Variants in CDK15 observed in about 807,000 individuals in gnomAD.
The protein encoded by CDK15 is cyclin dependent kinase 15.
Under a neutral mutation model 60.3 loss-of-function variants are expected in CDK15, and 62 were observed. That is an observed-to-expected ratio of 1.03 (90% confidence interval 0.84 to 1.27). The LOEUF is 1.27. Ranked by LOEUF, CDK15 falls within the 50% of genes most tolerant of loss-of-function variation. The pLI is 0.00. For missense variants in CDK15, 541 were observed against 527.8 expected (o/e 1.03, Z -0.25); for synonymous variants, 194 against 195.7 (o/e 0.99, Z 0.07).
At chr2:201,886,028 G>C (rs1425647706) in intron 12 of CDK15, among the ~76,000 whole-genome samples, 1 of 152,118 alleles carries the variant, frequency 6.6e-6, no homozygotes, top group Non-Finnish European at 1.5e-5. Flanking sequence ...CATTGTTCTT[G>C]CTAAAGATCA....
intron 10 of CDK15, among the ~76,000 whole-genome samples, chr2:201,865,931 C>CT (rs112141292): frequency 2.9e-5 from 4 of 138,870 alleles, no homozygotes; most frequent in African/African-American, 1.1e-4. Context: ...CTTGGGAAGC[C>CT]TTGAGCCAAA....
intron 12 of CDK15, among the ~76,000 whole-genome samples, chr2:201,886,755 CAAAA>C (rs1013074670): frequency 1.3e-5 from 2 of 152,044 alleles, no homozygotes; most frequent in African/African-American, 4.8e-5. Context: ...CAAGAGGAAA[CAAAA>C]AGAGCACAGC....
intron 4 of CDK15, among the ~76,000 whole-genome samples, chr2:201,820,288 G>C (rs1016524817): frequency 2.6e-5 from 4 of 152,078 alleles, no homozygotes; most frequent in Non-Finnish European, 4.4e-5. Context: ...AATATGGAAG[G>C]TATTCAAAAC....
chr2:201,825,537 G>T (rs1045969151), intron 6 of CDK15, among the ~76,000 whole-genome samples: 5 of 152,190 alleles, frequency 3.3e-5, no homozygotes, highest in African/African-American at 1.2e-4. Context: ...TTAGCTGTGT[G>T]GAGAATGGGA....
intron 10 of CDK15, among the ~76,000 whole-genome samples, chr2:201,858,712 T>G (rs1018739362): frequency 4.6e-5 from 7 of 152,032 alleles, no homozygotes; most frequent in African/African-American, 1.7e-4. Flanking sequence ...AGTGAAATAT[T>G]AAAAACCCTG....
intron 10 of CDK15, chr2:201,861,110 T>A (rs1698374882): frequency 9.4e-7 from 1 of 1,062,916 alleles, no homozygotes; most frequent in Non-Finnish European, 1.1e-6. Context: ...CAGGCATCAA[T>A]TCATATGGAA....
At position 201,822,881 on chromosome 2, in the gene CDK15, T is replaced by G; in HGVS notation, c.521T>G (p.Leu174Arg). The change falls in exon 5 of 14, where the codon CTG (leucine) becomes CGG (arginine). Residue 174 changes from leucine to arginine, a missense_variant. Transcript: ENST00000652192. ...GACATAATCCACACCAAAGAGACAC[T>G]GACATTCGTTTTTGAATACATGGTG... ...LHDIIHTKET[L>R]TFVFEYMHTD... is the part of the protein sequence containing the mutation. 6.2e-7 allele frequency: 1 copy of G among 1,610,964 alleles called. No homozygotes were observed. Among genetic ancestry groups the G allele is most frequent in the Admixed American group, 1.7e-5 (1 of 60,014 alleles).
rs1696395275 is a variant in CDK15 at position 201,824,837 on chromosome 2, C to A, written c.606+1110C>A. The A allele has an allele frequency of 1.0e-5, 6 of 584,356 alleles. No homozygotes were observed. The South Asian group carries it at 1.1e-4, about 10-fold the overall frequency. 36.2% of individuals were successfully genotyped at this position (584,356 alleles called of 1,614,324 possible). A position where few individuals can be genotyped will look rare whatever the true frequency, so the allele number is the denominator to read the frequency against. ...GAAGGACAGTGTTACAGCAATTGAT[C>A]AAAAAGAAAAACCACAGGCCCTTCC... On this transcript the variant is annotated intron_variant, in intron 6 of 13. Transcript: ENST00000652192.
intron 10 of CDK15, 126 bp from the exon 11 acceptor site, chr2:201,872,152 C>A: frequency 1.0e-6 from 1 of 962,790 alleles, no homozygotes; most frequent in Non-Finnish European, 1.7e-6. Flanking sequence ...ATCACATTAG[C>A]CTACCTGATA....
chr2:201,807,105 G>A lies in CDK15; in HGVS notation c.123+318G>A, dbSNP rs561393468. Among the ~76,000 whole-genome samples the A allele has an allele frequency of 1.4e-4, 21 of 152,142 alleles. No individual in the cohort carries two copies. In the East Asian group the frequency reaches 2.9e-3, roughly 21 times the overall value. On this transcript the variant is annotated intron_variant, in intron 1 of 13. Coordinates refer to ENST00000652192, the MANE Select transcript of CDK15 (RefSeq NM_001366386.2). ...TAAAAGGCAAGCTGCAGTATTAGTT[G>A]GTATGCTATGGATTTGAAACTTTAG... is the stretch of plus-strand genomic sequence containing the variant.
At chr2:201,868,435 G>T (rs976434361) in intron 10 of CDK15, among the ~76,000 whole-genome samples, 3 of 152,100 alleles carry the variant, frequency 2.0e-5, no homozygotes, top group African/African-American at 7.2e-5. Context: ...GCCACGCATT[G>T]TTTATACTGC....
At chr2:201,820,795 C>A (rs1012655999) in intron 4 of CDK15, among the ~76,000 whole-genome samples, 1 of 152,128 alleles carries the variant, frequency 6.6e-6, no homozygotes, top group African/African-American at 2.4e-5. Flanking sequence ...GCCTGAGAAG[C>A]TGTTTATTAC....
intron 8 of CDK15, among the ~76,000 whole-genome samples, chr2:201,836,606 C>G (rs1012939969): frequency 1.3e-4 from 20 of 151,716 alleles, no homozygotes; most frequent in African/African-American, 4.6e-4. Context: ...CATGCTCTTT[C>G]TTTCACGCCT....
At chr2:201,886,334 T>C (rs1699449164) in intron 12 of CDK15, among the ~76,000 whole-genome samples, 1 of 152,098 alleles carries the variant, frequency 6.6e-6, no homozygotes, top group Admixed American at 6.6e-5. Context: ...AAGATTTTTT[T>C]TTTTTTTTGA....
At chr2:201,832,265 C>T (rs532792627) in intron 6 of CDK15, among the ~76,000 whole-genome samples, 2 of 152,238 alleles carry the variant, frequency 1.3e-5, no homozygotes, top group South Asian at 2.1e-4. Flanking sequence ...AGGCTGGTCT[C>T]GAACTCCTGA....
At chr2:201,825,350 A>G (rs1335427727) in intron 6 of CDK15, among the ~76,000 whole-genome samples, 2 of 151,914 alleles carry the variant, frequency 1.3e-5, no homozygotes, top group Non-Finnish European at 2.9e-5. Context: ...AAGTTGTGCT[A>G]TAACAAATAA....
At chr2:201,847,719 C>T (rs1214702766) in intron 9 of CDK15, among the ~76,000 whole-genome samples, 2 of 152,168 alleles carry the variant, frequency 1.3e-5, no homozygotes, top group Admixed American at 6.5e-5. Flanking sequence ...TCTCCTGCTC[C>T]CTGTCATTAG....
chr2:201,847,008 CA>C (rs1349103551), intron 8 of CDK15, among the ~76,000 whole-genome samples: 1 of 152,014 alleles, frequency 6.6e-6, no homozygotes, highest in African/African-American at 2.4e-5. Flanking sequence ...GTCTTAATGG[CA>C]AAAAACCAAT....
chr2:201,846,322 G>A (rs768361231), intron 8 of CDK15, among the ~76,000 whole-genome samples: 13 of 151,954 alleles, frequency 8.6e-5, no homozygotes, highest in Non-Finnish European at 1.3e-4. Context: ...GTGAAATCAC[G>A]TTTCTACTAA....
Sources: gnomAD v4.1 joint callset for allele counts (sites outside exome capture counted in the v4.1 genomes callset) on GRCh38, gnomAD v4.1.1 for gene constraint, MANE v1.5 for transcripts, NCBI Gene and HGNC (gene_info 2026-07-23, HGNC 2026-07-21) for gene names.